Variants in GNG7 observed in about 807,000 individuals in gnomAD.
GNG7 encodes the protein G protein subunit gamma 7.
GNG7 carries 1 observed loss-of-function variant against 4.0 expected under a neutral mutation model. The ratio of observed to expected loss-of-function variants is 0.25; its 90% confidence interval spans 0.09 to 1.18. The LOEUF (loss-of-function observed/expected upper bound fraction) is 1.18. Among genes scored for constraint, GNG7 ranks in the 50% most tolerant of loss-of-function variants. The pLI, the probability that GNG7 is intolerant of heterozygous loss-of-function variation, is 0.50. For synonymous variants in GNG7, 34 were observed against 36.9 expected (o/e 0.92, Z 0.29); for missense variants, 86 against 91.9 (o/e 0.94, Z 0.26).
rs568947069 is a variant in GNG7 at position 2,694,236 on chromosome 19, TGG to T, written c.-135+8408_-135+8409del. On this transcript the variant is annotated intron_variant, in intron 1 of 4. Coordinates refer to ENST00000382159, the MANE Select transcript of GNG7 (RefSeq NM_052847.3). ...GGGAGATTTTTTTGTTGCTTTTTTTTGGGGGGGGGCAGGGAATAGCACTTAAC... is the reference window on the plus strand; with the variant it reads ...GGGAGATTTTTTTGTTGCTTTTTTTTGGGGGGGCAGGGAATAGCACTTAAC... 2.0e-5 allele frequency among the ~76,000 whole-genome samples: 3 copies of T among 147,652 alleles called. No individual in the cohort carries two copies. In the Admixed American group the frequency reaches 2.0e-4, roughly 10 times the overall value.
chr19:2,612,568 A>G (rs1488692162), intron 2 of GNG7, among the ~76,000 whole-genome samples: 1 of 152,128 alleles, frequency 6.6e-6, no homozygotes, highest in Non-Finnish European at 1.5e-5. Flanking sequence ...GGGTTCCTGG[A>G]AATGTTTTAA....
At chr19:2,672,000 G>A (rs540191201) in intron 1 of GNG7, among the ~76,000 whole-genome samples, 15 of 139,732 alleles carry the variant, frequency 1.1e-4, no homozygotes, top group South Asian at 2.4e-4. Flanking sequence ...GCAGTGAGCC[G>A]AGATTGCGTC....
At chr19:2,596,988 G>A (rs564221699) in intron 2 of GNG7, among the ~76,000 whole-genome samples, 1 of 152,182 alleles carries the variant, frequency 6.6e-6, no homozygotes, top group Admixed American at 6.5e-5. Context: ...GCTGGGCTCG[G>A]TGGCTCACAC....
Position 2,514,581 on chromosome 19 carries a change from A to G in GNG7, c.*441T>C, listed in dbSNP as rs1453240839. ...CACAAAGCATTCCAGTGACCCTATGAAGTCTTTTTACCAATGGCCAATTCT... is the reference window on the plus strand; with the variant it reads ...CACAAAGCATTCCAGTGACCCTATGGAGTCTTTTTACCAATGGCCAATTCT... On this transcript the variant is annotated 3_prime_UTR_variant, in exon 5 of 5. Coordinates refer to ENST00000382159, the MANE Select transcript of GNG7 (RefSeq NM_052847.3). 1 of 156,532 alleles carries G rather than the reference A, an allele frequency of 6.4e-6. No individual in the cohort carries two copies. The highest frequency in any genetic ancestry group is 1.9e-4 in the East Asian group (1 of 5,384). 9.7% of individuals were successfully genotyped at this position (156,532 alleles called of 1,614,324 possible).
At chr19:2,599,225 C>A (rs570313247) in intron 2 of GNG7, among the ~76,000 whole-genome samples, 1 of 152,198 alleles carries the variant, frequency 6.6e-6, no homozygotes, top group Admixed American at 6.6e-5. Context: ...GGCTGACCTC[C>A]GAAAACACCG....
Position 2,512,453 on chromosome 19 carries a change from G to C in GNG7, c.*2569C>G, listed in dbSNP as rs113091767. 3,456 of 798,144 alleles carry C rather than the reference G, an allele frequency of 4.3e-3. 7 individuals carry two copies. Among genetic ancestry groups the C allele is most frequent in the Non-Finnish European group, 4.6e-3 (3,033 of 659,178 alleles). 49.4% of individuals were successfully genotyped at this position (798,144 alleles called of 1,614,324 possible). A position where few individuals can be genotyped will look rare whatever the true frequency, so the allele number is the denominator to read the frequency against. ...CCTCCCTGGGGTCCGGGAGATGGTG[G>C]GGTCTGGACAGCTCAGGGAACCCAA... On this transcript the variant is annotated 3_prime_UTR_variant, in exon 5 of 5. Coordinates refer to ENST00000382159, the MANE Select transcript of GNG7 (RefSeq NM_052847.3). The surrounding 1 kb of genome is among the most constrained non-coding windows in gnomAD (Gnocchi z 4.7).
Position 2,609,905 on chromosome 19 carries a change from C to T in GNG7, c.-78+36319G>A, listed in dbSNP as rs578197505. The stretch of plus-strand genomic sequence containing the variant: ...CCTGACCACGAGTGAGGAAATTGAA[C>T]GGTACAGGAAAAGCAGGAGAGCGTG... On this transcript the variant is annotated intron_variant, in intron 2 of 4. Coordinates refer to ENST00000382159, the MANE Select transcript of GNG7 (RefSeq NM_052847.3). The surrounding 1 kb of genome is among the most constrained non-coding windows in gnomAD (Gnocchi z 4.4). Among the ~76,000 whole-genome samples the T allele has an allele frequency of 2.6e-5, 4 of 152,198 alleles. No individual in the cohort carries two copies. Among genetic ancestry groups the T allele is most frequent in the East Asian group, 1.9e-4 (1 of 5,174 alleles).
intron 1 of GNG7, among the ~76,000 whole-genome samples, chr19:2,655,413 A>C (rs950424115): frequency 1.1e-4 from 16 of 152,232 alleles, no homozygotes; most frequent in Middle Eastern, 6.8e-3. Flanking sequence ...ATAAAAGATA[A>C]AAAACATTAG....
chr19:2,657,991 C>G (rs1369569866), intron 1 of GNG7, among the ~76,000 whole-genome samples: 4 of 152,122 alleles, frequency 2.6e-5, no homozygotes, highest in African/African-American at 9.7e-5. Flanking sequence ...TTGGAGATGG[C>G]TCATACTCCT....
chr19:2,683,094 C>T (rs1179289474), intron 1 of GNG7, among the ~76,000 whole-genome samples: 1 of 152,072 alleles, frequency 6.6e-6, no homozygotes, highest in Non-Finnish European at 1.5e-5. Context: ...CAAAAATTAG[C>T]TGGGCGTGCT....
chr19:2,584,410 C>G (rs1043333519), intron 2 of GNG7, among the ~76,000 whole-genome samples: 1 of 151,432 alleles, frequency 6.6e-6, no homozygotes, highest in Non-Finnish European at 1.5e-5. Context: ...CATCACTGTA[C>G]TCCAGCCTAG....
At chr19:2,575,816 C>CGCAGGCACACGCAGACAG (rs1011685993) in intron 2 of GNG7, among the ~76,000 whole-genome samples, 1 of 133,364 alleles carries the variant, frequency 7.5e-6, no homozygotes, top group East Asian at 2.1e-4. Context: ...TGCAGACACA[C>CGCAGGCACACGCAGACAG]GCAGGCACAC....
At chr19:2,644,348 TA>T (rs1269557638) in intron 2 of GNG7, among the ~76,000 whole-genome samples, 8 of 15,000 alleles carry the variant, frequency 5.3e-4, no homozygotes, top group Non-Finnish European at 9.9e-4. Context: ...TATATATATA[TA>T]TATATATATA....
At chr19:2,641,331 G>A (rs577395547) in intron 2 of GNG7, among the ~76,000 whole-genome samples, 2 of 152,320 alleles carry the variant, frequency 1.3e-5, no homozygotes, top group African/African-American at 4.8e-5. Flanking sequence ...GCCGTGGACA[G>A]GTCAGCTCCA....
intron 2 of GNG7, among the ~76,000 whole-genome samples, chr19:2,627,260 A>T (rs897006630): frequency 6.6e-6 from 1 of 151,692 alleles, no homozygotes; most frequent in South Asian, 2.1e-4. Flanking sequence ...CCTGGCATGG[A>T]GTTGGTGGAG....
In GNG7 at chr19:2,609,940, C is replaced by T. The variant is rs900102838; in HGVS notation, c.-78+36284G>A. Among the ~76,000 whole-genome samples the T allele has an allele frequency of 7.2e-5, 11 of 151,970 alleles. No homozygotes were observed. Among genetic ancestry groups the T allele is most frequent in the Non-Finnish European group, 1.5e-4 (10 of 67,988 alleles). Reference sequence around the variant, plus strand: ...AAAGCAGGAGAGCGTGCACCTTAAACGGCCAAGGTCCGTCACTACCACCGA... The same window carrying T: ...AAAGCAGGAGAGCGTGCACCTTAAATGGCCAAGGTCCGTCACTACCACCGA... On this transcript the variant is annotated intron_variant, in intron 2 of 4. Transcript: ENST00000382159. The surrounding 1 kb of genome is among the most constrained non-coding windows in gnomAD (Gnocchi z 4.4).
At chr19:2,606,504 A>AC (rs1180055642) in intron 2 of GNG7, among the ~76,000 whole-genome samples, 1 of 151,766 alleles carries the variant, frequency 6.6e-6, no homozygotes, top group Non-Finnish European at 1.5e-5. Flanking sequence ...AAAATACAAA[A>AC]ATTAGCTGGG....
chr19:2,567,654 A>G (rs114626000), intron 2 of GNG7, among the ~76,000 whole-genome samples: 6,859 of 152,030 alleles, frequency 0.045, 494 homozygotes, highest in African/African-American at 0.16. Flanking sequence ...CTACTTAGGC[A>G]CTGCCTCTGA....
Position 2,634,378 on chromosome 19 carries a change from T to C in GNG7, c.-78+11846A>G. Among the ~76,000 whole-genome samples the C allele has an allele frequency of 6.6e-6, 1 of 152,200 alleles. No individual in the cohort carries two copies. Among genetic ancestry groups the C allele is most frequent in the South Asian group, 2.1e-4 (1 of 4,830 alleles). On this transcript the variant is annotated intron_variant, in intron 2 of 4. Coordinates refer to ENST00000382159, the MANE Select transcript of GNG7 (RefSeq NM_052847.3). This position sits in a 1 kb window ranked among gnomAD's most constrained non-coding sequence, Gnocchi z 5.3. ...CACAGATGTCCCAGAAATTGCTCAG[T>C]GTCCCCGGGGTTGGGGGTGGGGGGC...
Sources: gnomAD v4.1 joint callset for allele counts (sites outside exome capture counted in the v4.1 genomes callset) on GRCh38, gnomAD v4.1.1 for gene constraint, Gnocchi (gnomAD v3.1) non-coding constraint, MANE v1.5 for transcripts, NCBI Gene and HGNC (gene_info 2026-07-23, HGNC 2026-07-21) for gene names.